Variants in ARMH4 observed in about 807,000 individuals in gnomAD.
ARMH4 encodes the protein armadillo-like helical domain-containing protein 4.
ARMH4 carries 49 observed loss-of-function variants against 61.9 expected under a neutral mutation model. The observed-to-expected ratio is 0.79, with a 90% confidence interval of 0.63 to 1.00. The LOEUF is 1.00. ARMH4 is among the 50% of genes least tolerant of loss of function. The pLI is 0.00. For missense variants in ARMH4, 934 were observed against 930.0 expected (o/e 1.00, Z -0.06); for synonymous variants, 368 against 341.5 (o/e 1.08, Z -0.85).
At position 58,131,563 on chromosome 14, in the gene ARMH4, T is replaced by C. The variant is rs1182173323; in HGVS notation, c.1780A>G (p.Thr594Ala). The change falls in exon 4 of 8, where the codon ACT (threonine) becomes GCT (alanine). Residue 594 changes from threonine (T) to alanine (A), a missense_variant. Transcript: ENST00000267485. ...SERRTVVPSI[T>A]RVNTAASYGL... is the part of the protein sequence containing the mutation. ...TATGAGGCAGCTGTATTAACACGAGTAATAGATGGAACAACAGTTCTTCTC... is the reference window on the plus strand; with the variant it reads ...TATGAGGCAGCTGTATTAACACGAGCAATAGATGGAACAACAGTTCTTCTC... The C allele has an allele frequency of 3.1e-6, 5 of 1,614,066 alleles. 1 individual carries two copies. Among genetic ancestry groups the C allele is most frequent in the Middle Eastern group, 3.3e-4 (2 of 6,084 alleles).
chr14:58,086,932 G>A (rs941725040), intron 5 of ARMH4, among the ~76,000 whole-genome samples: 13 of 152,146 alleles, frequency 8.5e-5, no homozygotes. Context: ...GGTAGGGAAT[G>A]TTTGATACAT....
At chr14:58,075,297 C>T (rs528019143) in intron 5 of ARMH4, among the ~76,000 whole-genome samples, 38 of 152,318 alleles carry the variant, frequency 2.5e-4, no homozygotes, top group Non-Finnish European at 4.6e-4. Context: ...CATAAAGACT[C>T]ATGCACACAT....
intron 1 of ARMH4, among the ~76,000 whole-genome samples, chr14:58,146,025 C>T (rs912011560): frequency 3.9e-5 from 6 of 152,212 alleles, no homozygotes; most frequent in African/African-American, 9.6e-5. Context: ...CAAGAATAAA[C>T]GAGAAGACTG....
chr14:58,104,338 T>A lies in ARMH4; in HGVS notation c.1832-7357A>T, dbSNP rs35968654. ...AAGCTTTCTCCTTGTACTACTAGCTTCACCCTTCAGCACTAAGCAACTTAT... is the reference window on the plus strand; with the variant it reads ...AAGCTTTCTCCTTGTACTACTAGCTACACCCTTCAGCACTAAGCAACTTAT... On this transcript the variant is annotated intron_variant, in intron 4 of 7. Transcript: ENST00000267485. Among the ~76,000 whole-genome samples the A allele has an allele frequency of 5.3e-3, 813 of 152,334 alleles. 2 individuals carry two copies. Among genetic ancestry groups the A allele is most frequent in the Non-Finnish European group, 9.7e-3 (659 of 68,026 alleles).
chr14:58,139,503 C>G, intron 1 of ARMH4, 89 bp from the exon 2 acceptor site: 4 of 750,368 alleles, frequency 5.3e-6, no homozygotes, highest in Non-Finnish European at 8.6e-6. Flanking sequence ...AAATAATCTC[C>G]TTGACTTTAT....
rs1887086031 is a variant in ARMH4, at chr14:58,131,265, T to C, written c.1831+247A>G. ...ACTGGAATTTGAATTTTTATAACTTTTCTATGTCACAAAATATTATTCTTC... is the reference window on the plus strand; with the variant it reads ...ACTGGAATTTGAATTTTTATAACTTCTCTATGTCACAAAATATTATTCTTC... On this transcript the variant is annotated intron_variant, in intron 4 of 7. Transcript: ENST00000267485. 4 of 433,502 alleles carry C rather than the reference T, an allele frequency of 9.2e-6. No homozygotes were observed. The Admixed American group carries it at 1.6e-4, about 17-fold the overall frequency. 26.9% of individuals were successfully genotyped at this position (433,502 alleles called of 1,614,324 possible).
intron 4 of ARMH4, among the ~76,000 whole-genome samples, chr14:58,112,995 T>C (rs1220752196): frequency 1.3e-5 from 2 of 152,204 alleles, no homozygotes; most frequent in East Asian, 1.9e-4. Flanking sequence ...TTTTTATTGA[T>C]GTAGAACAAA....
intron 5 of ARMH4, among the ~76,000 whole-genome samples, chr14:58,014,776 T>C (rs1293365343): frequency 6.6e-6 from 1 of 152,022 alleles, no homozygotes; most frequent in Middle Eastern, 3.2e-3. Flanking sequence ...CTATAAGAAG[T>C]GGATGACAAG....
At chr14:58,105,532 C>T (rs773476244) in intron 4 of ARMH4, among the ~76,000 whole-genome samples, 47 of 151,804 alleles carry the variant, frequency 3.1e-4, no homozygotes, top group Non-Finnish European at 2.1e-4. Context: ...ACTAAAAATA[C>T]AAAAATCAGC....
At chr14:58,072,459 C>G (rs1015296055) in intron 5 of ARMH4, among the ~76,000 whole-genome samples, 1 of 152,136 alleles carries the variant, frequency 6.6e-6, no homozygotes, top group Admixed American at 6.5e-5. Flanking sequence ...TGGCTTATGC[C>G]TGTCGTCCCA....
intron 1 of ARMH4, among the ~76,000 whole-genome samples, chr14:58,143,075 T>G (rs971555818): frequency 6.6e-6 from 1 of 152,190 alleles, no homozygotes; most frequent in Non-Finnish European, 1.5e-5. Context: ...AAAGACTTTG[T>G]GCCATAACCA....
chr14:58,135,965 A>G (rs1887288094), intron 2 of ARMH4, among the ~76,000 whole-genome samples: 1 of 152,176 alleles, frequency 6.6e-6, no homozygotes, highest in African/African-American at 2.4e-5. Flanking sequence ...AAAGTAAAAC[A>G]AAAGTAATAA....
chr14:58,130,628 G>C (rs757851135), intron 4 of ARMH4, among the ~76,000 whole-genome samples: 4 of 152,126 alleles, frequency 2.6e-5, no homozygotes, highest in Non-Finnish European at 4.4e-5. Context: ...TTTGTTGATA[G>C]GCAGCCGTGC....
At chr14:58,145,034 TTCAGA>T (rs1168529514) in intron 1 of ARMH4, among the ~76,000 whole-genome samples, 5 of 152,236 alleles carry the variant, frequency 3.3e-5, no homozygotes, top group African/African-American at 1.2e-4. Context: ...TTCTGATCTG[TTCAGA>T]TAGCTGCCCC....
Position 58,071,267 on chromosome 14 carries a change from C to T in ARMH4, c.2089+25457G>A, listed in dbSNP as rs1020168094. 2.6e-5 allele frequency among the ~76,000 whole-genome samples: 4 copies of T among 151,858 alleles called. No homozygotes were observed. The South Asian group carries it at 8.3e-4, about 32-fold the overall frequency. On this transcript the variant is annotated intron_variant, in intron 5 of 7. Coordinates refer to ENST00000267485, the MANE Select transcript of ARMH4 (RefSeq NM_001001872.4). ...AATGATTCATCAGAACACATTTCTGCTATCTTTTCAATACATACAATTTTT... is the reference window on the plus strand; with the variant it reads ...AATGATTCATCAGAACACATTTCTGTTATCTTTTCAATACATACAATTTTT...
chr14:58,048,356 G>A (rs186342540), intron 5 of ARMH4, among the ~76,000 whole-genome samples: 2 of 152,322 alleles, frequency 1.3e-5, no homozygotes, highest in Admixed American at 1.3e-4. Flanking sequence ...CTCAATCACA[G>A]ATGAAGCAAA....
intron 4 of ARMH4, among the ~76,000 whole-genome samples, chr14:58,119,935 A>G (rs868288869): frequency 6.6e-6 from 1 of 152,040 alleles, no homozygotes; most frequent in South Asian, 2.1e-4. Flanking sequence ...GTTTGTTCCC[A>G]CTCATTTTTC....
chr14:58,106,146 G>C (rs1383842996), intron 4 of ARMH4, among the ~76,000 whole-genome samples: 1 of 152,210 alleles, frequency 6.6e-6, no homozygotes, highest in South Asian at 2.1e-4. Context: ...TTTAGAAGAC[G>C]TGTCCCACTG....
intron 6 of ARMH4, 68 bp downstream of exon 6, chr14:58,012,051 A>C (rs993016407): frequency 2.7e-6 from 3 of 1,125,658 alleles, no homozygotes; most frequent in Non-Finnish European, 3.9e-6. Context: ...TACTACTCTG[A>C]AGATCTTTTG....
Sources: gnomAD v4.1 joint callset for allele counts (sites outside exome capture counted in the v4.1 genomes callset) on GRCh38, gnomAD v4.1.1 for gene constraint, MANE v1.5 for transcripts, NCBI Gene and HGNC (gene_info 2026-07-23, HGNC 2026-07-21) for gene names.